The following TBXAS1 variants were observed in gnomAD, a reference collection of about 807,000 sequenced individuals.
TBXAS1 encodes the protein thromboxane A synthase 1.
TBXAS1 carries 48 observed loss-of-function variants against 60.7 expected under a neutral mutation model. The ratio of observed to expected loss-of-function variants is 0.79; its 90% CI spans 0.63 to 1.01. TBXAS1 has a LOEUF of 1.01. TBXAS1 is among the 50% of genes least tolerant of loss of function. TBXAS1 has a pLI of 0.00. For missense variants in TBXAS1, 685 were observed against 686.3 expected (o/e 1.00, Z 0.02); for synonymous variants, 287 against 269.7 (o/e 1.06, Z -0.63).
chr7:140,007,481 G>A (rs777470253), intron 10 of TBXAS1, among the ~76,000 whole-genome samples: 6 of 152,124 alleles, frequency 3.9e-5, no homozygotes, highest in African/African-American at 7.2e-5. Context: ...CTGCCTGTTC[G>A]TTCATTCATT....
chr7:139,840,465 GTTCT>G (rs1230753145), intron 1 of TBXAS1, among the ~76,000 whole-genome samples: 3 of 152,160 alleles, frequency 2.0e-5, no homozygotes, highest in African/African-American at 7.2e-5. Flanking sequence ...GCCCTGAAAG[GTTCT>G]TTAATAAAGA....
intron 4 of TBXAS1, among the ~76,000 whole-genome samples, chr7:139,799,687 T>C (rs1797667693): frequency 6.6e-6 from 1 of 152,168 alleles, no homozygotes; most frequent in South Asian, 2.1e-4. Flanking sequence ...CTTCAAATGA[T>C]TTCCTAGTTC....
At chr7:139,789,971 G>A (rs576161927) in intron 4 of TBXAS1, among the ~76,000 whole-genome samples, 19 of 152,234 alleles carry the variant, frequency 1.2e-4, no homozygotes, top group African/African-American at 4.1e-4. Flanking sequence ...GTCTGCACAC[G>A]GAGTCCTAGG....
intron 1 of TBXAS1, among the ~76,000 whole-genome samples, chr7:139,837,469 T>C (rs1799141771): frequency 6.6e-6 from 1 of 152,234 alleles, no homozygotes; most frequent in Non-Finnish European, 1.5e-5. Context: ...TATGATGGAA[T>C]ACTATGCAGC....
At chr7:140,005,166 C>T (rs147510023) in intron 9 of TBXAS1, among the ~76,000 whole-genome samples, 1,619 of 152,330 alleles carry the variant, frequency 0.011, 34 homozygotes, top group African/African-American at 0.037. Flanking sequence ...CAGTGGCTCA[C>T]GCCTGTAACT....
chr7:139,861,705 G>A (rs1257282306), intron 1 of TBXAS1, among the ~76,000 whole-genome samples: 1 of 152,132 alleles, frequency 6.6e-6, no homozygotes, highest in Non-Finnish European at 1.5e-5. Context: ...TGCTATTTTT[G>A]TATTATTGTG....
At chr7:139,846,188 A>G (rs1335613989) in intron 1 of TBXAS1, among the ~76,000 whole-genome samples, 15 of 152,200 alleles carry the variant, frequency 9.9e-5, no homozygotes. Flanking sequence ...CCAATTTAGG[A>G]AAATAAACTA....
At chr7:139,840,839 C>T (rs1447397995) in intron 1 of TBXAS1, among the ~76,000 whole-genome samples, 4 of 152,196 alleles carry the variant, frequency 2.6e-5, no homozygotes, top group South Asian at 4.1e-4. Context: ...GGCAAGAGAG[C>T]GCCTCGGAGG....
intron 3 of TBXAS1, among the ~76,000 whole-genome samples, chr7:139,881,465 C>T (rs1312162495): frequency 6.6e-6 from 1 of 150,838 alleles, no homozygotes; most frequent in East Asian, 1.9e-4. Context: ...TCCCCCCCTC[C>T]AGGAGGGTAG....
chr7:139,825,589 G>A (rs1353141315), upstream of TBXAS1, among the ~76,000 whole-genome samples: 1 of 152,222 alleles, frequency 6.6e-6, no homozygotes, highest in Non-Finnish European at 1.5e-5. Context: ...GCCTCTCCAT[G>A]AGCAGGGTGG....
At chr7:139,834,512 A>G (rs147401165) in intron 1 of TBXAS1, among the ~76,000 whole-genome samples, 2 of 152,282 alleles carry the variant, frequency 1.3e-5, no homozygotes, top group East Asian at 3.9e-4. Flanking sequence ...CACAAAATAA[A>G]AGATAAATTA....
At chr7:139,811,203 G>A (rs1040595404) in intron 4 of TBXAS1, among the ~76,000 whole-genome samples, 10 of 152,208 alleles carry the variant, frequency 6.6e-5, no homozygotes, top group Non-Finnish European at 1.3e-4. Context: ...TCTTGCCTAT[G>A]ATGGGTACAA....
intron 4 of TBXAS1, among the ~76,000 whole-genome samples, chr7:139,934,615 G>T (rs550175744): frequency 6.6e-6 from 1 of 152,302 alleles, no homozygotes; most frequent in African/African-American, 2.4e-5. Flanking sequence ...CCACAGTGCT[G>T]GAGATCAGAA....
rs1371980042 is a variant in TBXAS1 at position 139,829,343 on chromosome 7, C to T, written c.-48C>T. Reference sequence around the variant, plus strand: ...GTTCCCATAAGGGCGGCGAGATCAGCCTCCTGTCTCATCTGGAAGACCACC... The same window carrying T: ...GTTCCCATAAGGGCGGCGAGATCAGTCTCCTGTCTCATCTGGAAGACCACC... On this transcript the variant is annotated 5_prime_UTR_variant, in exon 1 of 13. Transcript: ENST00000448866. 4 of 1,571,168 alleles carry T rather than the reference C, an allele frequency of 2.5e-6. No homozygotes were observed. Among genetic ancestry groups the T allele is most frequent in the Non-Finnish European group, 3.5e-6 (4 of 1,145,806 alleles).
chr7:139,803,111 G>A (rs932137174), intron 4 of TBXAS1, among the ~76,000 whole-genome samples: 1 of 152,206 alleles, frequency 6.6e-6, no homozygotes, highest in Non-Finnish European at 1.5e-5. Flanking sequence ...ACAGACAGAG[G>A]TTGGAACAGT....
In TBXAS1 at chr7:140,004,848, G is replaced by A. The variant is rs1010060149; in HGVS notation, c.1135-2243G>A. ...GGGTGGGCAGAGGTTTGCCCCCATCGAGAAACAGCCTCCGGCCGGCCCCGC... is the reference window on the plus strand; with the variant it reads ...GGGTGGGCAGAGGTTTGCCCCCATCAAGAAACAGCCTCCGGCCGGCCCCGC... On this transcript the variant is annotated intron_variant, in intron 9 of 12. Transcript: ENST00000448866. This position sits in a 1 kb window ranked among gnomAD's most constrained non-coding sequence, Gnocchi z 5.1. 6.6e-6 allele frequency among the ~76,000 whole-genome samples: 1 copy of A among 152,180 alleles called. No individual in the cohort carries two copies. The highest frequency in any genetic ancestry group is 2.4e-5 in the African/African-American group (1 of 41,454).
intron 1 of TBXAS1, among the ~76,000 whole-genome samples, chr7:139,851,635 G>A (rs1390785750): frequency 6.6e-6 from 1 of 152,208 alleles, no homozygotes; most frequent in Non-Finnish European, 1.5e-5. Flanking sequence ...TATTTTTATG[G>A]AATAAAGAAT....
chr7:139,842,294 A>G (rs1229841352), intron 1 of TBXAS1, among the ~76,000 whole-genome samples: 1 of 152,226 alleles, frequency 6.6e-6, no homozygotes, highest in Non-Finnish European at 1.5e-5. Context: ...AAAGCAAAAC[A>G]TCAGATTGAT....
At chr7:139,874,651 T>C (rs1802082813) in intron 2 of TBXAS1, among the ~76,000 whole-genome samples, 1 of 151,994 alleles carries the variant, frequency 6.6e-6, no homozygotes, top group East Asian at 1.9e-4. Flanking sequence ...ATCCACCCCA[T>C]ACTCCATTCT....
Sources: gnomAD v4.1 joint callset for allele counts (sites outside exome capture counted in the v4.1 genomes callset) on GRCh38, gnomAD v4.1.1 for gene constraint, Gnocchi (gnomAD v3.1) non-coding constraint, MANE v1.5 for transcripts, NCBI Gene and HGNC (gene_info 2026-07-23, HGNC 2026-07-21) for gene names.